The following MLIP variants were observed in gnomAD, a reference collection of about 807,000 sequenced individuals.
The protein encoded by MLIP is muscular LMNA interacting protein.
In MLIP, 79 loss-of-function variants were observed where a neutral mutation model predicts 84.8. That is an observed-to-expected ratio of 0.93 (90% CI 0.78 to 1.12). MLIP has a LOEUF of 1.12. MLIP is among the 50% of genes most tolerant of loss of function. The probability of loss-of-function intolerance (pLI) is 0.00; values close to 1 mark genes in which losing one functional copy is unlikely to be tolerated. For synonymous variants in MLIP, 504 were observed against 463.0 expected (o/e 1.09, Z -1.14); for missense variants, 1,257 against 1,160.6 (o/e 1.08, Z -1.21).
intron 1 of MLIP, among the ~76,000 whole-genome samples, chr6:54,039,731 AG>A (rs1007975726): frequency 5.9e-5 from 9 of 151,950 alleles, no homozygotes; most frequent in African/African-American, 2.2e-4. Context: ...TGTAAAATGA[AG>A]TTGAAAAGAA....
At chr6:54,251,842 CAT>C (rs1277131481) in intron 12 of MLIP, among the ~76,000 whole-genome samples, 2 of 61,996 alleles carry the variant, frequency 3.2e-5, no homozygotes, top group Non-Finnish European at 5.3e-5. Context: ...TATATTATAA[CAT>C]ATAATATATA....
chr6:54,024,133 C>T (rs1395591343), intron 1 of MLIP, among the ~76,000 whole-genome samples: 1 of 152,202 alleles, frequency 6.6e-6, no homozygotes, highest in East Asian at 1.9e-4. Flanking sequence ...CTGCTTCAGC[C>T]TTCTCAGCAG....
intron 1 of MLIP, among the ~76,000 whole-genome samples, chr6:54,078,562 C>G (rs1298828338): frequency 6.6e-6 from 1 of 151,990 alleles, no homozygotes; most frequent in Non-Finnish European, 1.5e-5. Flanking sequence ...CCAGCCTGGG[C>G]AACAGAGAGA....
intron 1 of MLIP, among the ~76,000 whole-genome samples, chr6:54,034,482 C>G (rs532152456): frequency 6.6e-6 from 1 of 152,210 alleles, no homozygotes; most frequent in Admixed American, 6.5e-5. Flanking sequence ...CTTAATGATC[C>G]TGCTCCTCCT....
chr6:54,095,318 G>T (rs1176961172), intron 1 of MLIP, among the ~76,000 whole-genome samples: 2 of 152,118 alleles, frequency 1.3e-5, no homozygotes, highest in Admixed American at 6.5e-5. Flanking sequence ...ACAGACTTTT[G>T]CTCCCTCTAC....
At chr6:54,052,150 C>T (rs1032607971) in intron 1 of MLIP, among the ~76,000 whole-genome samples, 2 of 152,142 alleles carry the variant, frequency 1.3e-5, no homozygotes, top group Admixed American at 6.6e-5. Context: ...TGGGTGAGAA[C>T]GCTGACTTGC....
At chr6:54,042,808 G>A (rs7755092) in intron 1 of MLIP, among the ~76,000 whole-genome samples, 5 of 152,086 alleles carry the variant, frequency 3.3e-5, no homozygotes, top group Non-Finnish European at 5.9e-5. Context: ...GTTGAGTAAC[G>A]TATGTCACAA....
intron 13 of MLIP, among the ~76,000 whole-genome samples, chr6:54,258,062 C>T (rs1783130825): frequency 6.6e-6 from 1 of 151,952 alleles, no homozygotes; most frequent in Admixed American, 6.6e-5. Context: ...GTGTTTTCTT[C>T]TTTACATCCC....
At chr6:54,034,959 G>A (rs1224466189) in intron 1 of MLIP, among the ~76,000 whole-genome samples, 1 of 151,962 alleles carries the variant, frequency 6.6e-6, no homozygotes, top group Non-Finnish European at 1.5e-5. Flanking sequence ...CCTTTTCTAT[G>A]TTTAGATACA....
At chr6:54,156,215 C>T (rs539261673) in intron 5 of MLIP, among the ~76,000 whole-genome samples, 37 of 152,060 alleles carry the variant, frequency 2.4e-4, no homozygotes, top group African/African-American at 7.9e-4. Context: ...TGACAAGTAA[C>T]GCACAGTCAA....
chr6:54,029,140 A>G (rs1262293785), intron 1 of MLIP: 3 of 152,150 alleles, frequency 2.0e-5, no homozygotes, highest in African/African-American at 4.8e-5. Flanking sequence ...TCAATGCTGT[A>G]TTTGTGTTCG....
chr6:54,262,266 A>G (rs984810493), intron 13 of MLIP, among the ~76,000 whole-genome samples: 4 of 151,976 alleles, frequency 2.6e-5, no homozygotes, highest in African/African-American at 9.7e-5. Flanking sequence ...CCTTTTTGTT[A>G]TTGAATAACA....
At chr6:54,227,867 A>T (rs1780686918) in intron 11 of MLIP, among the ~76,000 whole-genome samples, 2 of 152,162 alleles carry the variant, frequency 1.3e-5, no homozygotes, top group South Asian at 4.1e-4. Flanking sequence ...AACCAAAAAA[A>T]TGTAAGACAC....
chr6:54,037,007 A>G (rs1160201086), intron 1 of MLIP, among the ~76,000 whole-genome samples: 1 of 152,024 alleles, frequency 6.6e-6, no homozygotes. Flanking sequence ...TTCTTGCAGT[A>G]TTACCCTTTG....
At chr6:54,096,635 C>A (rs116355543) in intron 1 of MLIP, among the ~76,000 whole-genome samples, 1 of 152,158 alleles carries the variant, frequency 6.6e-6, no homozygotes, top group African/African-American at 2.4e-5. Flanking sequence ...ACCCAATTAG[C>A]CCAGGCTCCA....
chr6:54,217,765 C>T (rs894027505), intron 11 of MLIP: 2 of 984,968 alleles, frequency 2.0e-6, no homozygotes, highest in Admixed American at 1.2e-4. Flanking sequence ...TTACCTATCT[C>T]ATTGATAGAA....
At chr6:54,055,017 A>T (rs894559004) in intron 1 of MLIP, among the ~76,000 whole-genome samples, 3 of 151,896 alleles carry the variant, frequency 2.0e-5, no homozygotes, top group Admixed American at 1.3e-4. Flanking sequence ...CCTCCCGAGT[A>T]GCTGGGACTA....
At chr6:54,107,993 A>G (rs1350301759), upstream of MLIP, among the ~76,000 whole-genome samples, 2 of 8,246 alleles carry the variant, frequency 2.4e-4, no homozygotes, top group Non-Finnish European at 0.018. Context: ...TTCCCATGTC[A>G]GGAAGAGGAT....
At chr6:54,080,902 T>G (rs1161250185) in intron 1 of MLIP, among the ~76,000 whole-genome samples, 1 of 151,892 alleles carries the variant, frequency 6.6e-6, no homozygotes, top group Non-Finnish European at 1.5e-5. Context: ...TCATCACCCC[T>G]CATCTCTGTG....
Sources: allele counts gnomAD v4.1 joint callset (sites outside exome capture counted in the v4.1 genomes callset), GRCh38; gene constraint gnomAD v4.1.1; transcripts MANE v1.5; gene names NCBI Gene and HGNC (gene_info 2026-07-23, HGNC 2026-07-21).